Variants in ABCB9 observed in about 807,000 individuals in gnomAD.
The protein encoded by ABCB9 is ATP binding cassette subfamily B member 9.
In ABCB9, 36 loss-of-function variants were observed where a neutral mutation model predicts 62.0. The ratio of observed to expected loss-of-function variants is 0.58; its 90% CI spans 0.45 to 0.77. The LOEUF is 0.77. Ranked by LOEUF, ABCB9 falls within the 30% of genes least tolerant of loss-of-function variation. ABCB9 has a pLI of 0.00. For synonymous variants in ABCB9, 435 were observed against 461.4 expected (o/e 0.94, Z 0.73); for missense variants, 943 against 1,054.7 (o/e 0.89, Z 1.47).
intron 1 of ABCB9, among the ~76,000 whole-genome samples, chr12:122,962,511 A>G (rs2036959681): frequency 6.6e-6 from 1 of 152,182 alleles, no homozygotes; most frequent in African/African-American, 2.4e-5. Context: ...GGAACCTCAC[A>G]CAGTCCCACG....
Position 122,959,721 on chromosome 12 carries a change from G to T in ABCB9, c.515C>A (p.Ala172Asp). ...GRPPPEQASGATLQKLLSYTK... is the reference protein window; with the variant it reads ...GRPPPEQASGDTLQKLLSYTK... The stretch of plus-strand genomic sequence containing the variant: ...GTAGGAGAGCAGCTTCTGCAGCGTG[G>T]CCCCAGACGCCTGCTCGGGCGGTGG... The change falls in exon 2 of 12, where the codon GCC becomes GAC. Residue 172 changes from alanine to aspartate, a missense_variant. Coordinates refer to ENST00000280560, the MANE Select transcript of ABCB9 (RefSeq NM_019625.4). This position sits in a 1 kb window ranked among gnomAD's most constrained non-coding sequence, Gnocchi z 5.4. The T allele has an allele frequency of 6.2e-7, 1 of 1,610,738 alleles. No homozygotes were observed. The highest frequency in any genetic ancestry group is 8.5e-7 in the Non-Finnish European group (1 of 1,178,292).
downstream of ABCB9, among the ~76,000 whole-genome samples, chr12:122,920,057 T>C (rs2034712018): frequency 6.6e-6 from 1 of 151,932 alleles, no homozygotes. Context: ...ATTTTTGTGT[T>C]TTTAGTAGAG....
chr12:122,944,569 A>T lies in ABCB9; in HGVS notation c.1252-50T>A, dbSNP rs375743469. ...GGGTCGAGGGGACCTTAGATCCCCCACCATCCCCATTCCCTGACCCATCCC... is the reference window on the plus strand; with the variant it reads ...GGGTCGAGGGGACCTTAGATCCCCCTCCATCCCCATTCCCTGACCCATCCC... On this transcript the variant is annotated intron_variant, in intron 6 of 11. Transcript: ENST00000280560. The surrounding 1 kb of genome is among the most constrained non-coding windows in gnomAD (Gnocchi z 4.9). 6.2e-6 allele frequency: 10 copies of T among 1,600,722 alleles called. No homozygotes were observed. In the African/African-American group the frequency reaches 1.3e-4, roughly 21 times the overall value.
In ABCB9 at chr12:122,944,311, C is replaced by G; in HGVS notation, c.1380+80G>C. On this transcript the variant is annotated intron_variant, in intron 7 of 11. Coordinates refer to ENST00000280560, the MANE Select transcript of ABCB9 (RefSeq NM_019625.4). The surrounding 1 kb of genome is among the most constrained non-coding windows in gnomAD (Gnocchi z 4.9). ...TACCACATTGTCAGAGTCCCTGGAG[C>G]CCCGCCCCCACCCTGTTAAGATCCC... 1.8e-5 allele frequency: 27 copies of G among 1,475,498 alleles called. No homozygotes were observed. The highest frequency in any genetic ancestry group is 2.3e-5 in the East Asian group (1 of 43,222). 91.4% of individuals were successfully genotyped at this position (1,475,498 alleles called of 1,614,324 possible).
intron 1 of ABCB9, among the ~76,000 whole-genome samples, chr12:122,973,609 A>C (rs35389617): frequency 0.014 from 1,251 of 88,804 alleles, 26 homozygotes; most frequent in Non-Finnish European, 0.022. Flanking sequence ...AAAAAAAAAA[A>C]CAAAAACTTT....
rs1455496034 is a variant in ABCB9, at chr12:122,959,831, C to A, written c.405G>T (p.Trp135Cys). ...ISLGASFLLW[W>C]LLSTVRPGTQ... ...TGCCTGGCCGCACGGTGGACAGCAGCCACCAGAGCAGGAAGGATGCGCCGA... is the reference window on the plus strand; with the variant it reads ...TGCCTGGCCGCACGGTGGACAGCAGACACCAGAGCAGGAAGGATGCGCCGA... The change falls in exon 2 of 12, where the codon TGG (tryptophan) becomes TGT (cysteine). Residue 135 changes from tryptophan (W) to cysteine (C), a missense_variant. By Grantham distance (215) the Trp-to-Cys change is radical. Coordinates refer to ENST00000280560, the MANE Select transcript of ABCB9 (RefSeq NM_019625.4). This position sits in a 1 kb window ranked among gnomAD's most constrained non-coding sequence, Gnocchi z 5.4. 1 of 1,613,076 alleles carries A rather than the reference C, an allele frequency of 6.2e-7. No individual in the cohort carries two copies. The highest frequency in any genetic ancestry group is 1.7e-5 in the Admixed American group (1 of 59,982).
intron 6 of ABCB9, 57 bp downstream of exon 6, chr12:122,945,968 C>CCCCATCTTT: frequency 6.4e-7 from 1 of 1,574,330 alleles, no homozygotes; most frequent in East Asian, 2.3e-5. Flanking sequence ...CGAGGGCTTC[C>CCCCATCTTT]CCCATCTTTG....
chr12:122,959,750 G>A lies in ABCB9; in HGVS notation c.486C>T (p.Gly162=). Residue 162 remains glycine (G), a synonymous_variant, in exon 2 of 12, where the codon GGC becomes GGT. Coordinates refer to ENST00000280560, the MANE Select transcript of ABCB9 (RefSeq NM_019625.4). This position sits in a 1 kb window ranked among gnomAD's most constrained non-coding sequence, Gnocchi z 5.4. Reference sequence around the variant, plus strand: ...CAGACGCCTGCTCGGGCGGTGGCCGGCCGCTCCCAGGGAAGCCCTCAGCCT... The same window carrying A: ...CAGACGCCTGCTCGGGCGGTGGCCGACCGCTCCCAGGGAAGCCCTCAGCCT... ...ATEAEGFPGS[G]RPPPEQASGA... 6.2e-7 allele frequency: 1 copy of A among 1,611,482 alleles called. No individual in the cohort carries two copies.
In ABCB9 at chr12:122,959,863, T is replaced by C. The variant is rs764900267; in HGVS notation, c.373A>G (p.Ile125Val). The change falls in exon 2 of 12, where the codon ATT (isoleucine) becomes GTT (valine). Residue 125 changes from isoleucine to valine, a missense_variant. Ile to Val is a conservative substitution (Grantham distance 29). Transcript: ENST00000280560. The surrounding 1 kb of genome is among the most constrained non-coding windows in gnomAD (Gnocchi z 5.4). ...WFWALFVWTY[I>V]SLGASFLLWW... The stretch of plus-strand genomic sequence containing the variant: ...AGCAGGAAGGATGCGCCGAGTGAAA[T>C]GTACGTCCACACGAACAGGGCCCAA... 4.3e-6 allele frequency: 7 copies of C among 1,613,370 alleles called. No homozygotes were observed. Among genetic ancestry groups the C allele is most frequent in the Middle Eastern group, 3.3e-4 (2 of 6,062 alleles).
chr12:122,923,413 A>C (rs1390695599), intron 11 of ABCB9, among the ~76,000 whole-genome samples: 1 of 152,106 alleles, frequency 6.6e-6, no homozygotes, highest in Admixed American at 6.5e-5. Context: ...CAGCCTCCCG[A>C]GTAGCTGGGA....
At position 122,929,830 on chromosome 12, in the gene ABCB9, G is replaced by A; in HGVS notation, c.*81C>T. The A allele has an allele frequency of 6.9e-7, 1 of 1,448,748 alleles. No individual in the cohort carries two copies. The highest frequency in any genetic ancestry group is 9.1e-7 in the Non-Finnish European group (1 of 1,103,476). 89.7% of individuals were successfully genotyped at this position (1,448,748 alleles called of 1,614,324 possible). A position where few individuals can be genotyped will look rare whatever the true frequency, so the allele number is the denominator to read the frequency against. Reference sequence around the variant, plus strand: ...CAGTGCTGCAGGCCTGGGCTCGGAGGGCAGCTGGGGGCCTCCGTGGGCACA... The same window carrying A: ...CAGTGCTGCAGGCCTGGGCTCGGAGAGCAGCTGGGGGCCTCCGTGGGCACA... On this transcript the variant is annotated 3_prime_UTR_variant, in exon 12 of 12. Coordinates refer to ENST00000280560, the MANE Select transcript of ABCB9 (RefSeq NM_019625.4). This position sits in a 1 kb window ranked among gnomAD's most constrained non-coding sequence, Gnocchi z 6.0.
chr12:122,950,306 C>G, intron 3 of ABCB9, 145 bp downstream of exon 3: 1 of 762,604 alleles, frequency 1.3e-6, no homozygotes, highest in South Asian at 1.8e-5. Flanking sequence ...AAGCCGGTTC[C>G]CAGGGTGACC....
chr12:122,948,744 T>C lies in ABCB9; in HGVS notation c.933A>G (p.Thr311=). 6.2e-7 allele frequency: 1 copy of C among 1,613,462 alleles called. No individual in the cohort carries two copies. The highest frequency in any genetic ancestry group is 8.5e-7 in the Non-Finnish European group (1 of 1,179,662). Residue 311 remains threonine, a synonymous_variant, in exon 5 of 12, where the codon ACA becomes ACG. Transcript: ENST00000280560. ...SQNINVFLRN[T]VKVTGVVVFM... is the part of the protein sequence containing the mutation. ...AGACCACCACGCCCGTGACCTTGAC[T>C]GTGTTCCGCAGGAAGACATTGATGT...
chr12:122,960,997 G>A (rs548220231), intron 1 of ABCB9, among the ~76,000 whole-genome samples: 2 of 151,840 alleles, frequency 1.3e-5, no homozygotes, highest in African/African-American at 4.8e-5. Flanking sequence ...CTGGGAGTTC[G>A]AGGCCACAGT....
intron 9 of ABCB9, among the ~76,000 whole-genome samples, chr12:122,937,726 C>A (rs917575598): frequency 1.3e-5 from 2 of 152,188 alleles, no homozygotes; most frequent in African/African-American, 4.8e-5. Flanking sequence ...ATGGCCCTCA[C>A]CACCATCTCG....
intron 2 of ABCB9, chr12:122,950,994 A>G (rs995478016): frequency 6.7e-6 from 1 of 148,688 alleles, no homozygotes; most frequent in African/African-American, 2.5e-5. Flanking sequence ...GGCATGTGCC[A>G]CCATGCCAGG....
At chr12:122,924,574 C>A, downstream of ABCB9, 1 of 1,346,466 alleles carries the variant, frequency 7.4e-7, no homozygotes. Flanking sequence ...TACTATGTGT[C>A]AGCCACTGTT....
chr12:122,968,776 G>A (rs1394244569), upstream of ABCB9, among the ~76,000 whole-genome samples: 3 of 151,586 alleles, frequency 2.0e-5, no homozygotes, highest in South Asian at 2.1e-4. Flanking sequence ...CAACACGCCC[G>A]GCTGACTTTT....
At chr12:122,928,127 G>C (rs772048694), downstream of ABCB9, among the ~76,000 whole-genome samples, 2 of 152,108 alleles carry the variant, frequency 1.3e-5, no homozygotes, top group African/African-American at 4.8e-5. Context: ...AGATCAGCCC[G>C]GATTATCTAG....
Sources: gnomAD v4.1 joint callset for allele counts (sites outside exome capture counted in the v4.1 genomes callset) on GRCh38, gnomAD v4.1.1 for gene constraint, Gnocchi (gnomAD v3.1) non-coding constraint, MANE v1.5 for transcripts, NCBI Gene and HGNC (gene_info 2026-07-23, HGNC 2026-07-21) for gene names.